The following LDLRAD4 variants were observed in gnomAD, a reference collection of about 807,000 sequenced individuals.
LDLRAD4 encodes the protein low-density lipoprotein receptor class A domain-containing protein 4.
In LDLRAD4, 5 loss-of-function variants were observed where a neutral mutation model predicts 17.0. The ratio of observed to expected loss-of-function variants is 0.29; its 90% CI spans 0.15 to 0.62. The LOEUF (loss-of-function observed/expected upper bound fraction) is 0.62. LDLRAD4 is among the 20% of genes least tolerant of loss of function. The pLI is 0.84. For synonymous variants in LDLRAD4, 168 were observed against 171.8 expected, an observed-to-expected ratio of 0.98 and a Z score of 0.17; for missense variants, 340 against 424.7, an observed-to-expected ratio of 0.80 and a Z score of 1.75.
At chr18:13,442,825 GCA>G (rs2146241414) in intron 3 of LDLRAD4, among the ~76,000 whole-genome samples, 1 of 152,352 alleles carries the variant, frequency 6.6e-6, no homozygotes, top group Admixed American at 6.5e-5. Context: ...GCCTTGGTGA[GCA>G]CAGACCCCCG....
chr18:13,623,062 G>C (rs1034068096), intron 4 of LDLRAD4, among the ~76,000 whole-genome samples: 3 of 152,182 alleles, frequency 2.0e-5, no homozygotes, highest in African/African-American at 7.2e-5. Context: ...TGCTGTCCCT[G>C]TTCATAGCAC....
At chr18:13,305,385 G>T (rs1481530971) in intron 1 of LDLRAD4, among the ~76,000 whole-genome samples, 1 of 152,142 alleles carries the variant, frequency 6.6e-6, no homozygotes, top group Non-Finnish European at 1.5e-5. Flanking sequence ...GGTTGCTATT[G>T]TGGTCAGCTC....
Position 13,643,354 on chromosome 18 carries a change from GC to G in LDLRAD4, c.337-3del. The G allele has an allele frequency of 6.8e-7, 1 of 1,461,558 alleles. No individual in the cohort carries two copies. The highest frequency in any genetic ancestry group is 9.1e-7 in the Non-Finnish European group (1 of 1,100,990). 90.5% of individuals were successfully genotyped at this position (1,461,558 alleles called of 1,614,324 possible). ...CCCCACTCTCCTCCCCTTCCCCTCC[GC>G]CAGGAAGGGTGCCTGTGGCCTTCAG... On this transcript the variant is annotated splice_polypyrimidine_tract_variant and splice_region_variant and intron_variant, in intron 4 of 5. Coordinates refer to ENST00000359446, the Ensembl canonical transcript of LDLRAD4.
upstream of LDLRAD4, chr18:13,218,070 C>T (rs556235036): frequency 6.6e-6 from 1 of 151,876 alleles, no homozygotes; most frequent in African/African-American, 2.4e-5. Flanking sequence ...GCAGTCCCCG[C>T]CTCCGCTCCG....
chr18:13,409,545 A>G (rs1479855765), intron 2 of LDLRAD4, among the ~76,000 whole-genome samples: 3 of 152,244 alleles, frequency 2.0e-5, no homozygotes, highest in East Asian at 1.9e-4. Flanking sequence ...ATTCTTAAAC[A>G]TTTCTATCTT....
At chr18:13,224,983 G>A (rs1394520765) in intron 1 of LDLRAD4, among the ~76,000 whole-genome samples, 1 of 151,882 alleles carries the variant, frequency 6.6e-6, no homozygotes, top group Non-Finnish European at 1.5e-5. Context: ...TTACAGGCAT[G>A]CACCACTACA....
chr18:13,363,093 A>G (rs1599681681), intron 1 of LDLRAD4, among the ~76,000 whole-genome samples: 1 of 151,962 alleles, frequency 6.6e-6, no homozygotes, highest in South Asian at 2.1e-4. Context: ...CACTTTGGGA[A>G]GCAGAGGCGG....
chr18:13,571,075 C>T (rs1339302847), intron 3 of LDLRAD4, among the ~76,000 whole-genome samples: 1 of 152,116 alleles, frequency 6.6e-6, no homozygotes, highest in Non-Finnish European at 1.5e-5. Flanking sequence ...CCGCCTCAGC[C>T]TCCTGAAGTG....
chr18:13,445,810 G>A (rs2091365365), intron 3 of LDLRAD4, among the ~76,000 whole-genome samples: 1 of 151,560 alleles, frequency 6.6e-6, no homozygotes, highest in Non-Finnish European at 1.5e-5. Context: ...ATATGTGCAT[G>A]AGTGTGTGTG....
chr18:13,231,355 C>T (rs989263540), intron 1 of LDLRAD4, among the ~76,000 whole-genome samples: 4 of 152,202 alleles, frequency 2.6e-5, no homozygotes, highest in East Asian at 1.9e-4. Flanking sequence ...GGGCACGGGG[C>T]GCTGCTCTTG....
intron 3 of LDLRAD4, among the ~76,000 whole-genome samples, chr18:13,551,977 C>T (rs1454936512): frequency 6.6e-6 from 1 of 152,082 alleles, no homozygotes; most frequent in Non-Finnish European, 1.5e-5. Flanking sequence ...AAGAGGGTGA[C>T]AGGGAGGTTC....
At chr18:13,417,675 C>T (rs928267687) in intron 2 of LDLRAD4, among the ~76,000 whole-genome samples, 1 of 152,170 alleles carries the variant, frequency 6.6e-6, no homozygotes, top group Admixed American at 6.5e-5. Context: ...ACCTAGTGAT[C>T]CGCCCATCTC....
At chr18:13,311,890 G>A (rs1410768874) in intron 1 of LDLRAD4, among the ~76,000 whole-genome samples, 1 of 149,094 alleles carries the variant, frequency 6.7e-6, no homozygotes, top group Non-Finnish European at 1.5e-5. Flanking sequence ...GGAGTGCAGT[G>A]GTGCGATCTT....
chr18:13,421,019 A>G (rs564797457), intron 2 of LDLRAD4: 1 of 152,346 alleles, frequency 6.6e-6, no homozygotes, highest in African/African-American at 2.4e-5. Context: ...AGAGAAAGGC[A>G]CGCCAGGGAC....
At chr18:13,572,036 C>G (rs1036348819) in intron 3 of LDLRAD4, among the ~76,000 whole-genome samples, 1 of 152,168 alleles carries the variant, frequency 6.6e-6, no homozygotes, top group African/African-American at 2.4e-5. Context: ...AAGTCCCCCC[C>G]TTAACATTGT....
At chr18:13,490,464 T>C (rs866389558) in intron 3 of LDLRAD4, 3 of 152,236 alleles carry the variant, frequency 2.0e-5, no homozygotes, top group Admixed American at 6.5e-5. Flanking sequence ...GGATAAGGGA[T>C]ACCCAACCTA....
chr18:13,411,285 C>A (rs2088322948), intron 2 of LDLRAD4, among the ~76,000 whole-genome samples: 1 of 151,622 alleles, frequency 6.6e-6, no homozygotes, highest in African/African-American at 2.4e-5. Flanking sequence ...AAAAGTGCCT[C>A]TATAGAGTCC....
chr18:13,651,118 T>C (rs1257554472), exon 6 of LDLRAD4: 1 of 152,254 alleles, frequency 6.6e-6, no homozygotes, highest in African/African-American at 2.4e-5. Context: ...CTCCTGCATC[T>C]ATCTCCTGCT....
chr18:13,374,551 C>A (rs2084759723), intron 1 of LDLRAD4, among the ~76,000 whole-genome samples: 1 of 152,232 alleles, frequency 6.6e-6, no homozygotes, highest in Non-Finnish European at 1.5e-5. Context: ...TTTGCAGGCA[C>A]CTTAATCTCA....
Sources: allele counts gnomAD v4.1 joint callset (sites outside exome capture counted in the v4.1 genomes callset), GRCh38; gene constraint gnomAD v4.1.1; transcripts MANE v1.5; gene names NCBI Gene and HGNC (gene_info 2026-07-23, HGNC 2026-07-21).